Variants in DPF3 observed in about 807,000 individuals in gnomAD.
DPF3 encodes zinc finger protein DPF3.
In DPF3, 18 loss-of-function variants were observed where a neutral mutation model predicts 56.8. That is an observed-to-expected ratio of 0.32 (90% CI 0.22 to 0.47). The LOEUF is 0.47. Among genes scored for constraint, DPF3 ranks in the 20% least tolerant of loss-of-function variants. The probability of loss-of-function intolerance (pLI) is 1.00; values close to 1 mark genes in which losing one functional copy is unlikely to be tolerated. For missense variants in DPF3, 403 were observed against 488.8 expected (o/e 0.82, Z 1.65); for synonymous variants, 188 against 180.2 (o/e 1.04, Z -0.35).
Position 72,731,566 on chromosome 14 carries a change from CTT to C in DPF3, c.429+239_429+240del, listed in dbSNP as rs1599391900. The C allele has an allele frequency of 5.9e-6, 3 of 508,386 alleles. No homozygotes were observed. The East Asian group carries it at 1.1e-4, about 19-fold the overall frequency. 31.5% of individuals were successfully genotyped at this position (508,386 alleles called of 1,614,324 possible). On this transcript the variant is annotated intron_variant, in intron 4 of 10. Coordinates refer to ENST00000556509, the MANE Select transcript of DPF3 (RefSeq NM_001280542.3). Reference sequence around the variant, plus strand: ...GTGTTCACTAGGCTCAACAAATTCACTTTGCATAGACAGACAGAAGAGAGGGA... The same window carrying C: ...GTGTTCACTAGGCTCAACAAATTCACTGCATAGACAGACAGAAGAGAGGGA...
At chr14:72,639,898 T>G (rs1885493070) in intron 8 of DPF3, among the ~76,000 whole-genome samples, 1 of 151,816 alleles carries the variant, frequency 6.6e-6, no homozygotes, top group South Asian at 2.1e-4. Context: ...ATGACTATAA[T>G]ACAATGTGAT....
chr14:72,609,645 A>G lies in DPF3; in HGVS notation c.*9652T>C, dbSNP rs1363217830. On this transcript the variant is annotated 3_prime_UTR_variant, in exon 11 of 11. Coordinates refer to ENST00000556509, the MANE Select transcript of DPF3 (RefSeq NM_001280542.3). Reference sequence around the variant, plus strand: ...AGGGCACATCCCCAGAGGACAGAGGACAAGGGTGGCACACACACCTACAGA... The same window carrying G: ...AGGGCACATCCCCAGAGGACAGAGGGCAAGGGTGGCACACACACCTACAGA... Among the ~76,000 whole-genome samples the G allele has an allele frequency of 6.6e-6, 1 of 152,212 alleles. No homozygotes were observed. Among genetic ancestry groups the G allele is most frequent in the Admixed American group, 6.5e-5 (1 of 15,288 alleles).
chr14:72,842,141 C>G (rs1884568378), intron 1 of DPF3, among the ~76,000 whole-genome samples: 1 of 150,606 alleles, frequency 6.6e-6, no homozygotes, highest in Non-Finnish European at 1.5e-5. Context: ...TTTTCTTCAT[C>G]AAAATCGAAT....
At chr14:72,874,999 A>G (rs910530230) in intron 1 of DPF3, among the ~76,000 whole-genome samples, 2 of 152,228 alleles carry the variant, frequency 1.3e-5, no homozygotes, top group South Asian at 4.1e-4. Context: ...GAATCATGGC[A>G]GGAAGTGAAA....
intron 1 of DPF3, among the ~76,000 whole-genome samples, chr14:72,852,082 A>G (rs2140085192): frequency 6.6e-6 from 1 of 152,340 alleles, no homozygotes; most frequent in East Asian, 1.9e-4. Context: ...TGAAGAGGAG[A>G]GGAGAAAGTG....
intron 1 of DPF3, among the ~76,000 whole-genome samples, chr14:72,801,746 C>T (rs996918904): frequency 1.3e-5 from 2 of 152,166 alleles, no homozygotes; most frequent in African/African-American, 4.8e-5. Context: ...GGTGCCTGGA[C>T]AAGGCCCATA....
intron 1 of DPF3, among the ~76,000 whole-genome samples, chr14:72,790,767 A>G (rs1599444119): frequency 6.6e-6 from 1 of 151,518 alleles, no homozygotes; most frequent in South Asian, 2.1e-4. Flanking sequence ...GATTCTCTTT[A>G]CCCCTGAACC....
At chr14:72,670,988 G>A in intron 8 of DPF3, 1 of 1,412,686 alleles carries the variant, frequency 7.1e-7, no homozygotes, top group East Asian at 2.7e-5. Context: ...GAGGGATGGA[G>A]GGACACGTGG....
At chr14:72,752,383 C>T (rs2139899568) in intron 3 of DPF3, among the ~76,000 whole-genome samples, 1 of 152,314 alleles carries the variant, frequency 6.6e-6, no homozygotes, top group East Asian at 1.9e-4. Flanking sequence ...TCAGCATAGG[C>T]CAGGCATGGT....
rs140923792 is a variant in DPF3 at position 72,826,584 on chromosome 14, A to G, written c.33-54691T>C. On this transcript the variant is annotated intron_variant, in intron 1 of 10. Coordinates refer to ENST00000556509, the MANE Select transcript of DPF3 (RefSeq NM_001280542.3). ...AGATGATGCATCAAGGAATTTGCAC[A>G]AGAGGTAAACTTCATTCTTATTCAG... Among the ~76,000 whole-genome samples, 427 of 152,366 alleles carry G rather than the reference A, an allele frequency of 2.8e-3. 4 individuals are homozygous for G. Among genetic ancestry groups the G allele is most frequent in the African/African-American group, 9.9e-3 (411 of 41,580 alleles).
At chr14:72,648,510 G>A (rs1232021837) in intron 8 of DPF3, among the ~76,000 whole-genome samples, 1 of 149,018 alleles carries the variant, frequency 6.7e-6, no homozygotes, top group Admixed American at 6.7e-5. Context: ...GCAGTGAGCT[G>A]AGATCATGCC....
chr14:72,707,630 C>T (rs10150218), intron 6 of DPF3, among the ~76,000 whole-genome samples: 8 of 151,820 alleles, frequency 5.3e-5, no homozygotes, highest in Non-Finnish European at 1.0e-4. Context: ...AGTGGGGCAG[C>T]GGGGCGTTAA....
intron 1 of DPF3, among the ~76,000 whole-genome samples, chr14:72,842,269 CA>C (rs909332951): frequency 1.3e-5 from 2 of 152,118 alleles, no homozygotes; most frequent in Admixed American, 1.3e-4. Flanking sequence ...CTCCAAAAGA[CA>C]AGTACCAGCA....
At chr14:72,728,842 G>A (rs1889516736) in intron 4 of DPF3, among the ~76,000 whole-genome samples, 1 of 152,114 alleles carries the variant, frequency 6.6e-6, no homozygotes, top group African/African-American at 2.4e-5. Flanking sequence ...AAGTACATTA[G>A]ATGATGATAA....
chr14:72,846,080 TTATTTTATTTTA>T (rs1380071071), intron 1 of DPF3, among the ~76,000 whole-genome samples: 3 of 37,880 alleles, frequency 7.9e-5, no homozygotes, highest in Non-Finnish European at 1.6e-4. Flanking sequence ...ATTTTACTGT[TTATTTTATTTTA>T]TTTTATTTTA....
At chr14:72,806,945 C>T (rs1330278876) in intron 1 of DPF3, 1 of 152,222 alleles carries the variant, frequency 6.6e-6, no homozygotes, top group African/African-American at 2.4e-5. Context: ...TCCTGGAAAC[C>T]TCATCTCTGC....
At chr14:72,715,825 TC>T (rs1888897264) in intron 5 of DPF3, among the ~76,000 whole-genome samples, 1 of 139,838 alleles carries the variant, frequency 7.2e-6, no homozygotes, top group Non-Finnish European at 1.5e-5. Flanking sequence ...CCTCCCTCCC[TC>T]CCACCAGTCT....
chr14:72,862,213 T>C (rs1885466460), intron 1 of DPF3, among the ~76,000 whole-genome samples: 1 of 152,084 alleles, frequency 6.6e-6, no homozygotes, highest in Admixed American at 6.5e-5. Flanking sequence ...TAACCCCCCC[T>C]GCATGCTATC....
At chr14:72,630,583 T>C (rs1292072878) in intron 8 of DPF3, among the ~76,000 whole-genome samples, 5 of 152,102 alleles carry the variant, frequency 3.3e-5, no homozygotes, top group Non-Finnish European at 5.9e-5. Flanking sequence ...AAAAGAGAGA[T>C]GCTTGCAGGG....
Sources: gnomAD v4.1 joint callset for allele counts (sites outside exome capture counted in the v4.1 genomes callset) on GRCh38, gnomAD v4.1.1 for gene constraint, MANE v1.5 for transcripts, NCBI Gene and HGNC (gene_info 2026-07-23, HGNC 2026-07-21) for gene names.